The following RGPD3 variants were observed in gnomAD, a reference collection of about 807,000 sequenced individuals.
RGPD3 encodes the protein RANBP2 like and GRIP domain containing 3, also known as ranBP2-like and GRIP domain-containing protein 3.
In RGPD3, 62 loss-of-function variants were observed where a neutral mutation model predicts 154.5. The ratio of observed to expected loss-of-function variants is 0.40; its 90% confidence interval spans 0.33 to 0.50. The LOEUF is 0.50. Among genes scored for constraint, RGPD3 ranks in the 20% least tolerant of loss-of-function variants. The probability of loss-of-function intolerance (pLI) is 0.59; values close to 1 mark genes in which losing one functional copy is unlikely to be tolerated. For synonymous variants in RGPD3, 308 were observed against 607.0 expected (o/e 0.51, Z 7.24); for missense variants, 919 against 1,716.8 (o/e 0.54, Z 8.21).
In RGPD3 at chr2:106,405,096, T is replaced by C. The variant is rs1035645152; in HGVS notation, c.*123A>G. 1.9e-5 allele frequency: 26 copies of C among 1,336,362 alleles called. No individual in the cohort carries two copies. The highest frequency in any genetic ancestry group is 3.0e-5 in the African/African-American group (2 of 67,710). The allele number at this position is 1,336,362 out of a possible 1,614,324, so 82.8% of individuals were successfully genotyped here. A position where few individuals can be genotyped will look rare whatever the true frequency, so the allele number is the denominator to read the frequency against. On this transcript the variant is annotated 3_prime_UTR_variant, in exon 23 of 23. Coordinates refer to ENST00000409886, the MANE Select transcript of RGPD3 (RefSeq NM_001144013.2). ...CTTTTTGACAAAAGAATGATGGTAA[T>C]ACACATGAACCATTTTTGTAAATAG...
chr2:106,468,222 G>C lies in RGPD3; in HGVS notation c.67C>G (p.Arg23Gly), dbSNP rs780182038. The part of the protein sequence containing the change: ...ASVQGSAPSP[R>G]KKSTRGFYFA... ...TCTCTTCCAGACCCACTCACCTTTC[G>C]AGGCGACGGGGCGGAGCCCTGCACC... Residue 23 changes from arginine (R) to glycine (G), a missense_variant, in exon 1 of 23, where the codon CGA becomes GGA. Arg to Gly is a moderately radical substitution (Grantham distance 125). Coordinates refer to ENST00000409886, the MANE Select transcript of RGPD3 (RefSeq NM_001144013.2). 7.2e-5 allele frequency: 116 copies of C among 1,605,392 alleles called. No individual in the cohort carries two copies. The highest frequency in any genetic ancestry group is 3.1e-4 in the African/African-American group (23 of 74,696).
In RGPD3 at chr2:106,466,328, G is replaced by C. The variant is rs1057100480; in HGVS notation, c.72+1889C>G. ...CAGAGCGCGCCAGGGAGCAGCGCCCGTCAGGAGCCATGACGCCTGAGCCAT... is the reference window on the plus strand; with the variant it reads ...CAGAGCGCGCCAGGGAGCAGCGCCCCTCAGGAGCCATGACGCCTGAGCCAT... On this transcript the variant is annotated intron_variant, in intron 1 of 22. Coordinates refer to ENST00000409886, the MANE Select transcript of RGPD3 (RefSeq NM_001144013.2). 5.3e-5 allele frequency among the ~76,000 whole-genome samples: 8 copies of C among 150,272 alleles called. No homozygotes were observed. In the East Asian group the frequency reaches 7.9e-4, roughly 15 times the overall value.
intron 7 of RGPD3, among the ~76,000 whole-genome samples, chr2:106,443,686 T>C (rs1478129674): frequency 2.9e-5 from 2 of 68,152 alleles, no homozygotes; most frequent in South Asian, 4.5e-4. Context: ...CACTATTTCC[T>C]TTTTTTTTTT....
chr2:106,446,045 G>T (rs1340367891), intron 7 of RGPD3, among the ~76,000 whole-genome samples: 1 of 58,866 alleles, frequency 1.7e-5, no homozygotes, highest in Non-Finnish European at 3.3e-5. Flanking sequence ...GCCAGATGGC[G>T]CCATTGCACT....
intron 1 of RGPD3, among the ~76,000 whole-genome samples, chr2:106,463,268 G>C (rs1260053549): frequency 6.6e-6 from 1 of 151,442 alleles, no homozygotes; most frequent in African/African-American, 2.4e-5. Flanking sequence ...CATACCATTA[G>C]TTTCCAGACC....
At chr2:106,420,634 A>C (rs375798392) in intron 20 of RGPD3, among the ~76,000 whole-genome samples, 3 of 152,420 alleles carry the variant, frequency 2.0e-5, no homozygotes, top group East Asian at 1.9e-4. Flanking sequence ...AAATATCATT[A>C]ATTTTTATAT....
chr2:106,450,643 T>C (rs1339680689), intron 6 of RGPD3, among the ~76,000 whole-genome samples: 1 of 92,200 alleles, frequency 1.1e-5, no homozygotes, highest in Non-Finnish European at 2.0e-5. Flanking sequence ...ATTGTGAAGC[T>C]TGCAGTGAGC....
At chr2:106,432,778 T>A (rs1331304788) in intron 17 of RGPD3, among the ~76,000 whole-genome samples, 157 bp downstream of exon 17, 5 of 76,092 alleles carry the variant, frequency 6.6e-5, no homozygotes, top group Non-Finnish European at 1.2e-4. Flanking sequence ...GACCCTGCCT[T>A]AAAAAAAAAA....
chr2:106,467,732 G>A (rs1678674686), intron 1 of RGPD3, among the ~76,000 whole-genome samples: 1 of 142,980 alleles, frequency 7.0e-6, no homozygotes, highest in Non-Finnish European at 1.5e-5. Context: ...CGCCTCAACA[G>A]AGCGCGCCAG....
intron 20 of RGPD3, among the ~76,000 whole-genome samples, chr2:106,420,492 G>A (rs1233166487): frequency 6.6e-6 from 1 of 152,046 alleles, no homozygotes; most frequent in Non-Finnish European, 1.5e-5. Flanking sequence ...TGAGAGCTAT[G>A]GTGTCCAATA....
upstream of RGPD3, among the ~76,000 whole-genome samples, chr2:106,468,543 C>G (rs946393889): frequency 2.0e-5 from 3 of 152,196 alleles, no homozygotes; most frequent in African/African-American, 7.2e-5. Context: ...CCGTGGCTCA[C>G]GCCTGTAATC....
chr2:106,413,716 G>A (rs1676740753), intron 21 of RGPD3, among the ~76,000 whole-genome samples: 1 of 152,062 alleles, frequency 6.6e-6, no homozygotes. Flanking sequence ...ATGAAGAGGT[G>A]GAAATGAGTC....
upstream of RGPD3, among the ~76,000 whole-genome samples, chr2:106,468,763 C>T (rs975106058): frequency 2.5e-4 from 32 of 128,346 alleles, 1 homozygote; most frequent in Admixed American, 1.4e-3. Context: ...GTGAGATTGC[C>T]CCACTGTACT....
intron 18 of RGPD3, 101 bp downstream of exon 18, chr2:106,429,545 A>T: frequency 6.6e-7 from 1 of 1,509,826 alleles, no homozygotes; most frequent in Non-Finnish European, 9.0e-7. Context: ...CATGTATATT[A>T]ACAAACATAT....
intron 22 of RGPD3, among the ~76,000 whole-genome samples, chr2:106,410,442 T>A (rs1035367105): frequency 2.6e-5 from 4 of 152,148 alleles, no homozygotes; most frequent in African/African-American, 9.7e-5. Flanking sequence ...TCCCTTAGGT[T>A]AGTCTCTTTT....
rs368982659 is a variant in RGPD3, at chr2:106,468,255, C to A, written c.34G>T (p.Val12Phe). ...SCSKAYGERY[V>F]ASVQGSAPSP... ...GGGGCGGAGCCCTGCACCGAGGCGA[C>A]GTACCGCTCCCCGTAGGCCTTGCTG... The change falls in exon 1 of 23, where the codon GTC becomes TTC. Residue 12 changes from valine (V) to phenylalanine (F), a missense_variant. Physicochemically the swap from Val to Phe is conservative, Grantham distance 50. Coordinates refer to ENST00000409886, the MANE Select transcript of RGPD3 (RefSeq NM_001144013.2). The A allele has an allele frequency of 1.9e-6, 3 of 1,607,594 alleles. No homozygotes were observed. Among genetic ancestry groups the A allele is most frequent in the East Asian group, 2.2e-5 (1 of 44,724 alleles).
At chr2:106,438,639 C>G (rs576526856) in intron 9 of RGPD3, among the ~76,000 whole-genome samples, 1 of 151,978 alleles carries the variant, frequency 6.6e-6, no homozygotes, top group Non-Finnish European at 1.5e-5. Flanking sequence ...AAAAATTAGC[C>G]GGGCGTGGTG....
chr2:106,462,630 A>G (rs1228937509), intron 1 of RGPD3, among the ~76,000 whole-genome samples: 1 of 152,142 alleles, frequency 6.6e-6, no homozygotes, highest in African/African-American at 2.4e-5. Flanking sequence ...TGTAATTGTA[A>G]TTGTCCAAAA....
intron 6 of RGPD3, among the ~76,000 whole-genome samples, chr2:106,450,438 G>A (rs1678077135): frequency 6.6e-6 from 1 of 150,500 alleles, no homozygotes; most frequent in South Asian, 2.1e-4. Flanking sequence ...TCTTCCTCAG[G>A]GTCCTCCCCT....
Sources: allele counts gnomAD v4.1 joint callset (sites outside exome capture counted in the v4.1 genomes callset), GRCh38; gene constraint gnomAD v4.1.1; transcripts MANE v1.5; gene names NCBI Gene and HGNC (gene_info 2026-07-23, HGNC 2026-07-21).